Variants in NRG3 observed in about 807,000 individuals in gnomAD.
NRG3 encodes neuregulin 3, also known as pro-neuregulin-3, membrane-bound isoform.
Under a neutral mutation model 66.9 loss-of-function variants are expected in NRG3, and 31 were observed. The observed-to-expected ratio is 0.46, with a 90% CI of 0.35 to 0.63. The LOEUF is 0.63. Among genes scored for constraint, NRG3 ranks in the 20% least tolerant of loss-of-function variants. NRG3 has a pLI of 0.00. For missense variants in NRG3, 910 were observed against 878.9 expected (o/e 1.04, Z -0.45); for synonymous variants, 393 against 359.4 (o/e 1.09, Z -1.06).
At chr10:82,970,142 A>G (rs1323840738) in intron 6 of NRG3, among the ~76,000 whole-genome samples, 1 of 152,182 alleles carries the variant, frequency 6.6e-6, no homozygotes, top group African/African-American at 2.4e-5. Context: ...TTTTGCAATT[A>G]TGGAAATTTG....
At chr10:82,133,146 A>AAG (rs2069061177) in intron 1 of NRG3, among the ~76,000 whole-genome samples, 1 of 148,494 alleles carries the variant, frequency 6.7e-6, no homozygotes, top group Non-Finnish European at 1.5e-5. Flanking sequence ...AAAATGCATC[A>AAG]TTAAGTTGTT....
intron 2 of NRG3, among the ~76,000 whole-genome samples, chr10:82,630,491 C>G (rs1172267629): frequency 6.6e-6 from 1 of 151,068 alleles, no homozygotes; most frequent in African/African-American, 2.4e-5. Context: ...TTAGATAATT[C>G]CTTTCCACCA....
At chr10:82,767,680 A>G (rs2059566604) in intron 3 of NRG3, among the ~76,000 whole-genome samples, 2 of 151,944 alleles carry the variant, frequency 1.3e-5, no homozygotes, top group Non-Finnish European at 2.9e-5. Context: ...TTATTGAGAA[A>G]TGTTCATATA....
intron 1 of NRG3, among the ~76,000 whole-genome samples, chr10:82,295,297 A>G (rs920806888): frequency 3.9e-5 from 6 of 152,190 alleles, no homozygotes; most frequent in Non-Finnish European, 8.8e-5. Flanking sequence ...AAGGACAAAG[A>G]TGGATGATTA....
At chr10:82,645,841 T>C (rs2050893325) in intron 2 of NRG3, among the ~76,000 whole-genome samples, 1 of 152,140 alleles carries the variant, frequency 6.6e-6, no homozygotes, top group African/African-American at 2.4e-5. Context: ...TTTTCTTTTT[T>C]TAATTTTTAT....
chr10:82,000,506 G>A (rs536994649), intron 1 of NRG3, among the ~76,000 whole-genome samples: 2 of 152,098 alleles, frequency 1.3e-5, no homozygotes, highest in South Asian at 4.1e-4. Context: ...GCAGGGTCAT[G>A]TATCACCCTT....
At chr10:82,691,957 C>G (rs1390418388) in intron 2 of NRG3, among the ~76,000 whole-genome samples, 2 of 152,012 alleles carry the variant, frequency 1.3e-5, no homozygotes, top group African/African-American at 4.8e-5. Context: ...TTTTTTGAAC[C>G]AATAAGACTT....
chr10:82,361,371 T>C (rs2135617053), intron 2 of NRG3, among the ~76,000 whole-genome samples: 1 of 152,336 alleles, frequency 6.6e-6, no homozygotes, highest in Non-Finnish European at 1.5e-5. Context: ...TAGATGCCTA[T>C]AAATCTCCTA....
At chr10:82,697,961 A>T (rs2055529154) in intron 2 of NRG3, among the ~76,000 whole-genome samples, 1 of 152,140 alleles carries the variant, frequency 6.6e-6, no homozygotes, top group South Asian at 2.1e-4. Context: ...GCCCTGTCTT[A>T]CGAAAGGGAG....
chr10:82,333,443 G>C lies in NRG3; in HGVS notation c.824-25296G>C, dbSNP rs79442113. On this transcript the variant is annotated intron_variant, in intron 1 of 8. Transcript: ENST00000372141. ...AAAATGGATGAGATTTCAAAAGGCA[G>C]AGATTAAAGAGTTACTGCTACATGG... Among the ~76,000 whole-genome samples the C allele has an allele frequency of 3.0e-3, 454 of 152,340 alleles. 5 individuals are homozygous for C. The highest frequency in any genetic ancestry group is 0.01 in the African/African-American group (425 of 41,588).
At position 82,522,025 on chromosome 10, in the gene NRG3, T is replaced by C. The variant is rs951438188; in HGVS notation, c.953+163157T>C. Among the ~76,000 whole-genome samples, 7 of 150,688 alleles carry C rather than the reference T, an allele frequency of 4.6e-5. No homozygotes were observed. The Admixed American group carries it at 4.7e-4, about 10-fold the overall frequency. ...CAGTTTCCACCATATCTGCAGTTAC[T>C]TTTCCGCTGAAGTCTTTTTTTTTTT... On this transcript the variant is annotated intron_variant, in intron 2 of 8. Transcript: ENST00000372141.
chr10:81,922,155 A>G (rs1464915259), intron 1 of NRG3, among the ~76,000 whole-genome samples: 1 of 152,120 alleles, frequency 6.6e-6, no homozygotes, highest in Non-Finnish European at 1.5e-5. Flanking sequence ...TTGTCATCTC[A>G]TCATTTGTTA....
intron 3 of NRG3, chr10:82,843,246 G>A (rs1210735570): frequency 4.4e-6 from 2 of 454,962 alleles, no homozygotes; most frequent in Non-Finnish European, 8.8e-6. Context: ...GGACATTTAA[G>A]AGGAATTATG....
chr10:82,776,017 T>C (rs1171358513), intron 3 of NRG3, among the ~76,000 whole-genome samples: 3 of 152,196 alleles, frequency 2.0e-5, no homozygotes, highest in African/African-American at 7.2e-5. Context: ...TAAATTTATT[T>C]CTATCAGTGA....
At chr10:81,959,749 C>A (rs1850178043) in intron 1 of NRG3, among the ~76,000 whole-genome samples, 1 of 152,100 alleles carries the variant, frequency 6.6e-6, no homozygotes, top group Non-Finnish European at 1.5e-5. Context: ...GAGACCTTCC[C>A]AGCCCAATAC....
chr10:82,697,740 A>G (rs907363176), intron 2 of NRG3, among the ~76,000 whole-genome samples: 3 of 152,144 alleles, frequency 2.0e-5, no homozygotes, highest in Non-Finnish European at 2.9e-5. Flanking sequence ...AGTGGTAGGA[A>G]GCAGAGAAAG....
intron 1 of NRG3, among the ~76,000 whole-genome samples, chr10:82,259,328 T>A (rs370245160): frequency 1.3e-5 from 2 of 152,106 alleles, no homozygotes; most frequent in South Asian, 2.1e-4. Flanking sequence ...AATGTTAGCA[T>A]ACATTTGACA....
At chr10:82,820,860 A>G (rs2132378) in intron 3 of NRG3, among the ~76,000 whole-genome samples, 63,695 of 151,876 alleles carry the variant, frequency 0.42, 14,572 homozygotes, top group African/African-American at 0.63. Flanking sequence ...GTGGTTTCTC[A>G]TTAGAGAATA....
At chr10:82,546,806 A>G (rs2043946789) in intron 2 of NRG3, among the ~76,000 whole-genome samples, 1 of 152,170 alleles carries the variant, frequency 6.6e-6, no homozygotes, top group Non-Finnish European at 1.5e-5. Context: ...GGCAAATCAA[A>G]CACACAATGG....
Sources: allele counts gnomAD v4.1 joint callset (sites outside exome capture counted in the v4.1 genomes callset), GRCh38; gene constraint gnomAD v4.1.1; transcripts MANE v1.5; gene names NCBI Gene and HGNC (gene_info 2026-07-23, HGNC 2026-07-21).